ZPBP: variants seen among roughly 807,000 people sequenced by gnomAD.
ZPBP encodes the protein zona pellucida binding protein.
A neutral mutation model predicts 44.8 loss-of-function variants in ZPBP; 26 were observed. The ratio of observed to expected loss-of-function variants is 0.58; its 90% CI spans 0.43 to 0.81. ZPBP has a LOEUF of 0.81. Ranked by LOEUF, ZPBP falls within the 30% of genes least tolerant of loss-of-function variation. The pLI is 0.00. For synonymous variants in ZPBP, 174 were observed against 153.2 expected, an observed-to-expected ratio of 1.14 and a Z score of -1.00; for missense variants, 409 against 434.0, an observed-to-expected ratio of 0.94 and a Z score of 0.51.
chr7:50,068,212 G>T (rs893882978), intron 3 of ZPBP, among the ~76,000 whole-genome samples: 1 of 152,034 alleles, frequency 6.6e-6, no homozygotes, highest in African/African-American at 2.4e-5. Context: ...CTGCCCTTAG[G>T]GACTCTCTTA....
intron 5 of ZPBP, among the ~76,000 whole-genome samples, chr7:50,029,321 C>T (rs1001501277): frequency 6.6e-6 from 1 of 152,128 alleles, no homozygotes; most frequent in Middle Eastern, 3.2e-3. Context: ...ATACCTCATA[C>T]TATATATACA....
chr7:50,076,819 T>G (rs1802110811), intron 3 of ZPBP, among the ~76,000 whole-genome samples: 2 of 151,744 alleles, frequency 1.3e-5, no homozygotes, highest in African/African-American at 4.8e-5. Flanking sequence ...ATGTCCAAAC[T>G]ATACAAAGCA....
intron 1 of ZPBP, among the ~76,000 whole-genome samples, chr7:49,928,727 A>T (rs1050425430): frequency 6.6e-6 from 1 of 152,138 alleles, no homozygotes; most frequent in Non-Finnish European, 1.5e-5. Context: ...ACACCAGTAC[A>T]CCATTCCCAG....
chr7:50,024,461 TTA>T (rs1456892893), intron 5 of ZPBP, among the ~76,000 whole-genome samples: 1 of 57,436 alleles, frequency 1.7e-5, no homozygotes, highest in African/African-American at 6.7e-5. Flanking sequence ...AAATAATGCA[TTA>T]TACACACACA....
rs185945031 is a variant in ZPBP at position 49,994,121 on chromosome 7, T to G, written c.784-10602A>C. Among the ~76,000 whole-genome samples, 286 of 152,334 alleles carry G rather than the reference T, an allele frequency of 1.9e-3. 1 individual carries two copies. The highest frequency in any genetic ancestry group is 8.4e-4 in the Non-Finnish European group (57 of 68,032). On this transcript the variant is annotated intron_variant, in intron 6 of 7. Transcript: ENST00000046087. ...CGACAGCCCAGAATTAATATATAAT[T>G]TCACATCTGGCCATTATTCGTTCCA...
chr7:49,872,915 C>CAAAAAAAAAA (rs61473396), intron 2 of ZPBP, among the ~76,000 whole-genome samples: 23 of 33,928 alleles, frequency 6.8e-4, no homozygotes, highest in South Asian at 3.3e-3. Context: ...GACTTTGTCT[C>CAAAAAAAAAA]AAAAAAAAAA....
intron 6 of ZPBP, among the ~76,000 whole-genome samples, chr7:49,995,737 G>T (rs1275023867): frequency 6.6e-6 from 1 of 152,066 alleles, no homozygotes; most frequent in Non-Finnish European, 1.5e-5. Flanking sequence ...CAATAAAACT[G>T]GAGACCATTA....
intron 6 of ZPBP, among the ~76,000 whole-genome samples, chr7:50,001,760 G>A (rs1798105879): frequency 6.6e-6 from 1 of 152,116 alleles, no homozygotes; most frequent in South Asian, 2.1e-4. Context: ...AACCCGGGAG[G>A]ACCCCTGACT....
chr7:49,843,013 G>A, the ZPBP span, among the ~76,000 whole-genome samples: 1 of 152,254 alleles, frequency 6.6e-6, no homozygotes, highest in African/African-American at 2.4e-5. Flanking sequence ...CATGAACTCT[G>A]AGCATAGTAC....
At chr7:49,989,235 T>C (rs1797454183) in intron 6 of ZPBP, among the ~76,000 whole-genome samples, 1 of 152,160 alleles carries the variant, frequency 6.6e-6, no homozygotes, top group Non-Finnish European at 1.5e-5. Flanking sequence ...GAAACTGGCC[T>C]CATACCTTGT....
At chr7:49,871,980 G>A (rs558738343) in intron 2 of ZPBP, among the ~76,000 whole-genome samples, 1 of 133,640 alleles carries the variant, frequency 7.5e-6, no homozygotes, top group African/African-American at 2.8e-5. Context: ...GGGAGGGAGG[G>A]AGGGTAGGAA....
the ZPBP span, among the ~76,000 whole-genome samples, chr7:49,841,371 A>T: frequency 1.3e-5 from 2 of 152,132 alleles, no homozygotes; most frequent in Non-Finnish European, 2.9e-5. Flanking sequence ...CAGTCAGCTC[A>T]AAGTACTGTA....
chr7:49,954,769 A>G lies in ZPBP; in HGVS notation c.962-17147T>C, dbSNP rs565374834. Among the ~76,000 whole-genome samples the G allele has an allele frequency of 2.0e-5, 3 of 152,304 alleles. No homozygotes were observed. The East Asian group carries it at 5.8e-4, about 29-fold the overall frequency. Reference sequence around the variant, plus strand: ...AGGAGAAATAGACAAATTCACAATAATAGCTAGGAATTTCAAACATTCCGT... The same window carrying G: ...AGGAGAAATAGACAAATTCACAATAGTAGCTAGGAATTTCAAACATTCCGT... On this transcript the variant is annotated intron_variant, in intron 7 of 7. Coordinates refer to ENST00000046087, the MANE Select transcript of ZPBP (RefSeq NM_007009.3).
At chr7:49,898,127 G>GTA (rs1792484501) in intron 2 of ZPBP, among the ~76,000 whole-genome samples, 1 of 151,978 alleles carries the variant, frequency 6.6e-6, no homozygotes, top group African/African-American at 2.4e-5. Flanking sequence ...GTGTGTGTGT[G>GTA]TGTATGTATG....
intron 1 of ZPBP, among the ~76,000 whole-genome samples, chr7:49,927,949 A>T (rs2128749365): frequency 6.6e-6 from 1 of 152,344 alleles, no homozygotes; most frequent in Admixed American, 6.5e-5. Context: ...ATATGAACAC[A>T]GCATTGCCCC....
At chr7:49,922,610 T>C (rs1794070220) in intron 1 of ZPBP, among the ~76,000 whole-genome samples, 1 of 152,202 alleles carries the variant, frequency 6.6e-6, no homozygotes, top group Non-Finnish European at 1.5e-5. Context: ...CTGAGCATTT[T>C]TCCCTGAGTA....
chr7:49,886,641 G>A (rs1458118040), intron 2 of ZPBP, among the ~76,000 whole-genome samples: 1 of 152,038 alleles, frequency 6.6e-6, no homozygotes, highest in Non-Finnish European at 1.5e-5. Context: ...TACATGGGCA[G>A]GTTTGTTATA....
intron 7 of ZPBP, among the ~76,000 whole-genome samples, chr7:49,953,328 G>T (rs924667887): frequency 1.3e-5 from 2 of 152,132 alleles, no homozygotes; most frequent in African/African-American, 2.4e-5. Flanking sequence ...GTGTGAGGAA[G>T]CTATGTTAGT....
At chr7:49,926,971 G>A (rs1378552726) in intron 1 of ZPBP, among the ~76,000 whole-genome samples, 3 of 152,200 alleles carry the variant, frequency 2.0e-5, no homozygotes, top group Non-Finnish European at 2.9e-5. Context: ...CACAGACGCA[G>A]TGCAAACACA....
Sources: allele counts gnomAD v4.1 joint callset (sites outside exome capture counted in the v4.1 genomes callset), GRCh38; gene constraint gnomAD v4.1.1; transcripts MANE v1.5; gene names NCBI Gene and HGNC (gene_info 2026-07-23, HGNC 2026-07-21).